GALNT13: variants seen among roughly 807,000 people sequenced by gnomAD.
GALNT13 encodes polypeptide N-acetylgalactosaminyltransferase 13.
In GALNT13, 28 loss-of-function variants were observed where a neutral mutation model predicts 64.2. The observed-to-expected ratio is 0.44, with a 90% confidence interval of 0.32 to 0.60. The LOEUF is 0.60. Ranked by LOEUF, GALNT13 falls within the 20% of genes least tolerant of loss-of-function variation. GALNT13 has a pLI of 0.05. For missense variants in GALNT13, 577 were observed against 669.8 expected (o/e 0.86, Z 1.53); for synonymous variants, 214 against 224.6 (o/e 0.95, Z 0.42).
the GALNT13 span, among the ~76,000 whole-genome samples, chr2:153,202,281 C>T: frequency 6.6e-6 from 1 of 152,202 alleles, no homozygotes; most frequent in African/African-American, 2.4e-5. Context: ...TGAGAATCCA[C>T]ACTCAGCCTT....
At chr2:154,223,912 G>A (rs1688453579) in intron 4 of GALNT13, among the ~76,000 whole-genome samples, 1 of 152,108 alleles carries the variant, frequency 6.6e-6, no homozygotes, top group Admixed American at 6.6e-5. Flanking sequence ...AGGTGTTCAT[G>A]ATGGGAAGGG....
At chr2:153,928,432 G>A (rs1430995981) in intron 2 of GALNT13, among the ~76,000 whole-genome samples, 2 of 152,092 alleles carry the variant, frequency 1.3e-5, no homozygotes, top group Non-Finnish European at 2.9e-5. Context: ...CCAGCTAGCT[G>A]ATAGATGTCT....
chr2:153,982,952 A>G (rs1257612494), intron 3 of GALNT13, among the ~76,000 whole-genome samples: 1 of 151,962 alleles, frequency 6.6e-6, no homozygotes. Flanking sequence ...TTAGAATTTG[A>G]AGAGAAAAAC....
At chr2:154,077,202 A>G (rs1299969312) in intron 3 of GALNT13, among the ~76,000 whole-genome samples, 2 of 151,754 alleles carry the variant, frequency 1.3e-5, no homozygotes, top group South Asian at 2.1e-4. Context: ...TATACAAACT[A>G]TAAAATCTCT....
the GALNT13 span, among the ~76,000 whole-genome samples, chr2:153,557,354 C>A: frequency 1.3e-5 from 2 of 152,132 alleles, no homozygotes; most frequent in African/African-American, 4.8e-5. Context: ...TACGAAATCA[C>A]CTAACAGTGC....
chr2:153,539,449 A>G, the GALNT13 span, among the ~76,000 whole-genome samples: 29 of 152,130 alleles, frequency 1.9e-4, no homozygotes, highest in Admixed American at 8.5e-4. Flanking sequence ...TTGGTGTTTT[A>G]GACATGAAGT....
chr2:154,208,416 T>C (rs1687584196), intron 4 of GALNT13, among the ~76,000 whole-genome samples: 1 of 152,192 alleles, frequency 6.6e-6, no homozygotes. Context: ...TTGCTGCTAA[T>C]ATGTAATGTA....
chr2:154,334,433 C>T (rs1283203533), intron 9 of GALNT13, among the ~76,000 whole-genome samples: 1 of 151,930 alleles, frequency 6.6e-6, no homozygotes, highest in East Asian at 1.9e-4. Flanking sequence ...AAAGTATTAT[C>T]AATACTACAG....
intron 4 of GALNT13, among the ~76,000 whole-genome samples, chr2:154,234,548 A>G (rs1413581794): frequency 6.6e-6 from 1 of 152,048 alleles, no homozygotes; most frequent in African/African-American, 2.4e-5. Flanking sequence ...ATGTGTTACA[A>G]TTGGATGACT....
intron 11 of GALNT13, among the ~76,000 whole-genome samples, chr2:154,423,630 T>C (rs1479314080): frequency 6.6e-6 from 1 of 152,186 alleles, no homozygotes; most frequent in Non-Finnish European, 1.5e-5. Flanking sequence ...CTAACATAAA[T>C]ACATAGCCCC....
At chr2:153,826,225 G>T in the GALNT13 span, among the ~76,000 whole-genome samples, 1 of 152,126 alleles carries the variant, frequency 6.6e-6, no homozygotes, top group African/African-American at 2.4e-5. Context: ...TGAGGGGGCT[G>T]AACATAGTCT....
chr2:154,259,213 T>C, intron 8 of GALNT13, 75 bp downstream of exon 8: 1 of 800,618 alleles, frequency 1.2e-6, no homozygotes, highest in Non-Finnish European at 2.1e-6. Flanking sequence ...CCCAGTAATT[T>C]ACTGTCAAAT....
At chr2:154,292,538 T>C (rs1692705047) in intron 8 of GALNT13, among the ~76,000 whole-genome samples, 1 of 152,230 alleles carries the variant, frequency 6.6e-6, no homozygotes, top group Admixed American at 6.5e-5. Context: ...TAGATTCTTC[T>C]AGTTTCATTT....
At chr2:153,820,408 T>C in the GALNT13 span, among the ~76,000 whole-genome samples, 3 of 152,044 alleles carry the variant, frequency 2.0e-5, no homozygotes, top group African/African-American at 7.2e-5. Context: ...ATATACAAAA[T>C]GGTCATCACT....
rs1165614586 is a variant in GALNT13, at chr2:154,084,032, T to G, written c.143-56305T>G. The stretch of plus-strand genomic sequence containing the variant: ...TGATGTCTTGGGCTCCGTATCCACA[T>G]AGGCTACCTCTGGAATACTAAAACA... On this transcript the variant is annotated intron_variant, in intron 3 of 12. Transcript: ENST00000392825. 2.0e-5 allele frequency among the ~76,000 whole-genome samples: 3 copies of G among 151,866 alleles called. No homozygotes were observed. In the Admixed American group the frequency reaches 2.0e-4, roughly 10 times the overall value.
chr2:153,377,783 G>A, the GALNT13 span, among the ~76,000 whole-genome samples: 10 of 152,172 alleles, frequency 6.6e-5, no homozygotes, highest in South Asian at 1.2e-3. Flanking sequence ...CCTAGAAAAC[G>A]AATACAGTGC....
At chr2:153,091,280 A>G in the GALNT13 span, among the ~76,000 whole-genome samples, 7 of 151,904 alleles carry the variant, frequency 4.6e-5, no homozygotes, top group Non-Finnish European at 8.8e-5. Context: ...CAAGCTGAAG[A>G]CTCAGAGTGT....
Position 154,180,554 on chromosome 2 carries a change from T to C in GALNT13, c.311+40049T>C, listed in dbSNP as rs150465478. On this transcript the variant is annotated intron_variant, in intron 4 of 12. Coordinates refer to ENST00000392825, the MANE Select transcript of GALNT13 (RefSeq NM_052917.4). Reference sequence around the variant, plus strand: ...TGTTTTTTTCTGATTATAAATGTAATTAATGCATTTTGGAAACTTTTTTAA... The same window carrying C: ...TGTTTTTTTCTGATTATAAATGTAACTAATGCATTTTGGAAACTTTTTTAA... Among the ~76,000 whole-genome samples, 16 of 152,236 alleles carry C rather than the reference T, an allele frequency of 1.1e-4. No homozygotes were observed. The East Asian group carries it at 3.1e-3, about 29-fold the overall frequency.
At chr2:153,217,615 C>T in the GALNT13 span, among the ~76,000 whole-genome samples, 1 of 152,008 alleles carries the variant, frequency 6.6e-6, no homozygotes, top group Non-Finnish European at 1.5e-5. Context: ...GAAATGAGCT[C>T]ATCATAGGCA....
Sources: gnomAD v4.1 joint callset for allele counts (sites outside exome capture counted in the v4.1 genomes callset) on GRCh38, gnomAD v4.1.1 for gene constraint, MANE v1.5 for transcripts, NCBI Gene and HGNC (gene_info 2026-07-23, HGNC 2026-07-21) for gene names.